MGMT: variants seen among roughly 807,000 people sequenced by gnomAD.
MGMT encodes the protein methylated-DNA--protein-cysteine methyltransferase.
MGMT carries 14 observed loss-of-function variants against 15.9 expected under a neutral mutation model. The ratio of observed to expected loss-of-function variants is 0.88; its 90% CI spans 0.58 to 1.37. The LOEUF (loss-of-function observed/expected upper bound fraction) is 1.37. Ranked by LOEUF, MGMT falls within the 40% of genes most tolerant of loss-of-function variation. MGMT has a pLI of 0.00. For missense variants in MGMT, 282 were observed against 268.1 expected, an observed-to-expected ratio of 1.05 and a Z score of -0.36; for synonymous variants, 130 against 118.2, an observed-to-expected ratio of 1.10 and a Z score of -0.65.
chr10:129,484,538 A>T (rs2119642042), intron 1 of MGMT, among the ~76,000 whole-genome samples: 1 of 152,154 alleles, frequency 6.6e-6, no homozygotes, highest in Non-Finnish European at 1.5e-5. Flanking sequence ...TGTTTATAAG[A>T]ACTGTTTTTA....
chr10:129,492,651 C>T lies in MGMT; in HGVS notation c.-13+25355C>T, dbSNP rs561636863. ...GGTGGAGTGGCTTTGTGTGGACTGC[C>T]ACGGTGCTCCCCATCTGCACCCAGG... On this transcript the variant is annotated intron_variant, in intron 1 of 4. Coordinates refer to ENST00000651593, the MANE Select transcript of MGMT (RefSeq NM_002412.5). Among the ~76,000 whole-genome samples the T allele has an allele frequency of 3.9e-5, 6 of 152,318 alleles. No individual in the cohort carries two copies. The South Asian group carries it at 1.2e-3, about 32-fold the overall frequency.
intron 2 of MGMT, among the ~76,000 whole-genome samples, chr10:129,613,073 C>T (rs1027459530): frequency 6.6e-6 from 1 of 152,214 alleles, no homozygotes; most frequent in African/African-American, 2.4e-5. Context: ...TTCCTGTTCA[C>T]TCTGGGATAG....
At chr10:129,603,231 GCTT>G in intron 2 of MGMT, among the ~76,000 whole-genome samples, 1 of 152,274 alleles carries the variant, frequency 6.6e-6, no homozygotes, top group African/African-American at 2.4e-5. Context: ...ATAAAAAACT[GCTT>G]CTGATTTTAT....
At chr10:129,485,579 G>A (rs1306337921) in intron 1 of MGMT, among the ~76,000 whole-genome samples, 1 of 152,230 alleles carries the variant, frequency 6.6e-6, no homozygotes, top group African/African-American at 2.4e-5. Context: ...GATGCTCAAA[G>A]GAAATGCTTA....
intron 2 of MGMT, among the ~76,000 whole-genome samples, chr10:129,543,633 A>G (rs1846068622): frequency 6.6e-6 from 1 of 152,144 alleles, no homozygotes; most frequent in African/African-American, 2.4e-5. Flanking sequence ...CCAGGTGGAT[A>G]GTATTTAAAC....
chr10:129,580,547 A>G (rs1033245113), intron 2 of MGMT, among the ~76,000 whole-genome samples: 1 of 152,104 alleles, frequency 6.6e-6, no homozygotes, highest in Non-Finnish European at 1.5e-5. Context: ...TGATACCCTA[A>G]AGCCCATGCA....
chr10:129,590,577 T>C (rs893029408), intron 2 of MGMT, among the ~76,000 whole-genome samples: 2 of 152,258 alleles, frequency 1.3e-5, no homozygotes, highest in African/African-American at 4.8e-5. Flanking sequence ...ATGAATCTTA[T>C]TTTTGTGGAT....
At chr10:129,507,447 G>A (rs1845637414) in intron 1 of MGMT, among the ~76,000 whole-genome samples, 1 of 150,654 alleles carries the variant, frequency 6.6e-6, no homozygotes, top group African/African-American at 2.5e-5. Flanking sequence ...AGCAGGCTGT[G>A]GAGGCAGGGC....
chr10:129,766,813 G>C lies in MGMT; in HGVS notation c.440G>C (p.Arg147Thr). ...NPVPILIPCH[R>T]VVCSSGAVGN... is the part of the protein sequence containing the mutation. ...GTCCCCATCCTCATCCCGTGCCACA[G>C]AGTGGTCTGCAGCAGCGGAGCCGTG... Residue 147 changes from arginine (R) to threonine (T), a missense_variant, in exon 5 of 5, where the codon AGA (arginine) becomes ACA (threonine). Transcript: ENST00000651593. The C allele has an allele frequency of 6.2e-7, 1 of 1,613,352 alleles. No individual in the cohort carries two copies. The highest frequency in any genetic ancestry group is 8.5e-7 in the Non-Finnish European group (1 of 1,179,996).
chr10:129,743,026 C>G (rs1848654159), intron 3 of MGMT, among the ~76,000 whole-genome samples: 2 of 152,204 alleles, frequency 1.3e-5, no homozygotes, highest in Non-Finnish European at 2.9e-5. Context: ...TGCCTGGATT[C>G]AAGAGCCTCT....
chr10:129,527,731 C>G (rs963360037), intron 1 of MGMT, among the ~76,000 whole-genome samples: 8 of 151,704 alleles, frequency 5.3e-5, no homozygotes, highest in Non-Finnish European at 1.5e-5. Flanking sequence ...ACCCTTGACA[C>G]GCCTGGAATC....
chr10:129,581,381 G>T (rs542164589), intron 2 of MGMT, among the ~76,000 whole-genome samples: 2 of 152,302 alleles, frequency 1.3e-5, no homozygotes, highest in South Asian at 4.1e-4. Flanking sequence ...TCCTCCGGTG[G>T]CAGTCCTTGG....
intron 2 of MGMT, among the ~76,000 whole-genome samples, chr10:129,642,906 T>A (rs1363005242): frequency 6.6e-6 from 1 of 151,094 alleles, no homozygotes; most frequent in Non-Finnish European, 1.5e-5. Flanking sequence ...CATTCCAGCC[T>A]GGGCTGCAGA....
At chr10:129,537,990 G>T (rs1846003975) in intron 2 of MGMT, among the ~76,000 whole-genome samples, 1 of 152,114 alleles carries the variant, frequency 6.6e-6, no homozygotes, top group Non-Finnish European at 1.5e-5. Context: ...TCATATATGG[G>T]CTAAAATTAG....
Position 129,616,832 on chromosome 10 carries a change from G to A in MGMT, c.125+80455G>A, listed in dbSNP as rs190790567. On this transcript the variant is annotated intron_variant, in intron 2 of 4. Transcript: ENST00000651593. ...TTGCAGATAGCGGTGAGGTGGGAGA[G>A]GGGCCTGGGAGTGTGCTCTTCATTC... Among the ~76,000 whole-genome samples, 15 of 152,200 alleles carry A rather than the reference G, an allele frequency of 9.9e-5. No homozygotes were observed. In the East Asian group the frequency reaches 2.5e-3, roughly 26 times the overall value.
At chr10:129,561,879 T>G (rs1237331147) in intron 2 of MGMT, among the ~76,000 whole-genome samples, 1 of 152,334 alleles carries the variant, frequency 6.6e-6, no homozygotes, top group East Asian at 1.9e-4. Context: ...TGTAAATGAT[T>G]TGTTGTTAAA....
chr10:129,740,660 G>A (rs1380964077), intron 3 of MGMT, among the ~76,000 whole-genome samples: 2 of 152,092 alleles, frequency 1.3e-5, no homozygotes, highest in Admixed American at 1.3e-4. Flanking sequence ...ATTTTGTGGT[G>A]AGCTCTCAGG....
At chr10:129,527,914 C>T (rs991698913) in intron 1 of MGMT, among the ~76,000 whole-genome samples, 4 of 152,078 alleles carry the variant, frequency 2.6e-5, no homozygotes, top group East Asian at 2.0e-4. Context: ...TTTGCCTGTG[C>T]GCACCTGCCT....
At chr10:129,643,392 C>G (rs1847350157) in intron 2 of MGMT, among the ~76,000 whole-genome samples, 1 of 152,176 alleles carries the variant, frequency 6.6e-6, no homozygotes, top group Non-Finnish European at 1.5e-5. Flanking sequence ...GTTTCCTGAT[C>G]TTGATGTGCC....
Sources: gnomAD v4.1 joint callset for allele counts (sites outside exome capture counted in the v4.1 genomes callset) on GRCh38, gnomAD v4.1.1 for gene constraint, MANE v1.5 for transcripts, NCBI Gene and HGNC (gene_info 2026-07-23, HGNC 2026-07-21) for gene names.